The following CPNE4 variants were observed in gnomAD, a reference collection of about 807,000 sequenced individuals.
The protein encoded by CPNE4 is copine 4.
CPNE4 carries 25 observed loss-of-function variants against 67.9 expected under a neutral mutation model. The ratio of observed to expected loss-of-function variants is 0.37; its 90% CI spans 0.27 to 0.51. The LOEUF (loss-of-function observed/expected upper bound fraction) is 0.51. Among genes scored for constraint, CPNE4 ranks in the 20% least tolerant of loss-of-function variants. The pLI, the probability that CPNE4 is intolerant of heterozygous loss-of-function variation, is 0.93. For synonymous variants in CPNE4, 242 were observed against 244.9 expected, an observed-to-expected ratio of 0.99 and a Z score of 0.11; for missense variants, 464 against 690.8, an observed-to-expected ratio of 0.67 and a Z score of 3.68.
At chr3:131,789,035 C>CAGAG (rs71136414) in intron 2 of CPNE4, among the ~76,000 whole-genome samples, 50 of 137,402 alleles carry the variant, frequency 3.6e-4, no homozygotes, top group East Asian at 1.0e-3. Context: ...CACACACACA[C>CAGAG]AGAGAGAGAG....
chr3:131,708,957 GATATATATATAT>G lies in CPNE4; in HGVS notation c.361-8989_361-8978del, dbSNP rs202119937. 2.4e-3 allele frequency among the ~76,000 whole-genome samples: 161 copies of G among 65,844 alleles called. 6 individuals are homozygous for G. The highest frequency in any genetic ancestry group is 8.4e-3 in the South Asian group (13 of 1,554). The allele number at this position is 65,844 out of a possible 152,430, so 43.2% of individuals were successfully genotyped here. A position where few individuals can be genotyped will look rare whatever the true frequency, so the allele number is the denominator to read the frequency against. On this transcript the variant is annotated intron_variant, in intron 3 of 15. Coordinates refer to ENST00000429747, the MANE Select transcript of CPNE4 (RefSeq NM_130808.3). ...AAAAATCAGTGTCTGAGGGCATAAA[GATATATATATAT>G]ATATATATATATATATATATATATA...
chr3:131,879,814 G>C (rs2087602847), intron 2 of CPNE4, among the ~76,000 whole-genome samples: 1 of 152,122 alleles, frequency 6.6e-6, no homozygotes, highest in South Asian at 2.1e-4. Flanking sequence ...CCCTGTTGAG[G>C]TCAGACCTTT....
At chr3:131,875,512 T>G (rs1225577925) in intron 2 of CPNE4, among the ~76,000 whole-genome samples, 33 of 152,072 alleles carry the variant, frequency 2.2e-4, no homozygotes, top group Admixed American at 2.1e-3. Flanking sequence ...TAAAAAATGA[T>G]GAGTTCATGT....
chr3:131,982,253 G>A (rs1319414694), intron 1 of CPNE4, among the ~76,000 whole-genome samples: 1 of 152,158 alleles, frequency 6.6e-6, no homozygotes, highest in Non-Finnish European at 1.5e-5. Flanking sequence ...TAACAGATGA[G>A]CCATTTTAAA....
At chr3:131,639,350 A>C (rs1168211258) in intron 7 of CPNE4, among the ~76,000 whole-genome samples, 1 of 152,136 alleles carries the variant, frequency 6.6e-6, no homozygotes, top group Admixed American at 6.5e-5. Context: ...ATACCACAGA[A>C]ATACAAAACT....
intron 1 of CPNE4, among the ~76,000 whole-genome samples, chr3:131,978,819 T>C (rs1379372332): frequency 1.3e-5 from 2 of 151,648 alleles, no homozygotes; most frequent in East Asian, 2.0e-4. Context: ...CTTTTTGATG[T>C]AGGCCTTTAG....
intron 1 of CPNE4, among the ~76,000 whole-genome samples, chr3:131,961,089 C>A (rs897067699): frequency 6.6e-6 from 1 of 152,120 alleles, no homozygotes; most frequent in Non-Finnish European, 1.5e-5. Context: ...GGGGCAGAAC[C>A]AAGACTAAAA....
At chr3:131,555,209 A>G (rs1457719794) in intron 12 of CPNE4, among the ~76,000 whole-genome samples, 2 of 152,038 alleles carry the variant, frequency 1.3e-5, no homozygotes, top group Non-Finnish European at 2.9e-5. Context: ...CTGGAGATCA[A>G]CTTCTTGAGT....
intron 1 of CPNE4, among the ~76,000 whole-genome samples, chr3:131,966,583 A>G (rs978331036): frequency 1.3e-5 from 2 of 152,264 alleles, no homozygotes; most frequent in African/African-American, 4.8e-5. Context: ...ATCAGAGAAT[A>G]CTATAAACAA....
In CPNE4 at chr3:131,550,010, A is replaced by G. The variant is rs913378536; in HGVS notation, c.1239T>C (p.Ile413=). Residue 413 remains isoleucine, a synonymous_variant, in exon 14 of 16, where the codon ATT becomes ATC. Transcript: ENST00000429747. Reference sequence around the variant, plus strand: ...TGGCAACCTTCTGGATGATGGGGGCAATGTTGGTGGGACCGTAGAGTTGGA... The same window carrying G: ...TGGCAACCTTCTGGATGATGGGGGCGATGTTGGTGGGACCGTAGAGTTGGA... ...PKLQLYGPTN[I]APIIQKVAKS... is the part of the protein sequence containing the mutation. 6.2e-7 allele frequency: 1 copy of G among 1,613,282 alleles called. No homozygotes were observed. Among genetic ancestry groups the G allele is most frequent in the Admixed American group, 1.7e-5 (1 of 59,952 alleles).
chr3:131,964,291 T>G (rs2072274867), intron 1 of CPNE4, among the ~76,000 whole-genome samples: 2 of 151,920 alleles, frequency 1.3e-5, no homozygotes, highest in African/African-American at 4.8e-5. Flanking sequence ...TGCTGAAAAT[T>G]CCAAAAACCA....
intron 9 of CPNE4, among the ~76,000 whole-genome samples, chr3:131,576,155 A>ACT (rs10690143): frequency 0.31 from 47,236 of 151,826 alleles, 11,626 homozygotes; most frequent in African/African-American, 0.69. Context: ...CTTCTTAGAG[A>ACT]GACCCAAAAA....
intron 9 of CPNE4, among the ~76,000 whole-genome samples, chr3:131,577,622 G>C (rs1266642471): frequency 6.6e-6 from 1 of 152,112 alleles, no homozygotes; most frequent in African/African-American, 2.4e-5. Flanking sequence ...CACCTGTATA[G>C]AGAAGTTACC....
At chr3:131,964,813 T>A (rs1052531035) in intron 1 of CPNE4, among the ~76,000 whole-genome samples, 1 of 152,112 alleles carries the variant, frequency 6.6e-6, no homozygotes, top group Non-Finnish European at 1.5e-5. Flanking sequence ...GGATATTGTC[T>A]AGGAGAACAT....
intron 2 of CPNE4, among the ~76,000 whole-genome samples, chr3:131,892,564 T>G (rs964818979): frequency 9.1e-5 from 6 of 65,804 alleles, no homozygotes; most frequent in Admixed American, 5.4e-4. Flanking sequence ...TGGTGCTATA[T>G]AAATCTCTTA....
chr3:131,658,712 T>C (rs1184990981), intron 7 of CPNE4, among the ~76,000 whole-genome samples: 2 of 152,204 alleles, frequency 1.3e-5, no homozygotes, highest in African/African-American at 4.8e-5. Flanking sequence ...TATGGGATTG[T>C]TCTGCCAAGC....
chr3:131,609,796 C>G (rs1319006902), intron 7 of CPNE4, among the ~76,000 whole-genome samples: 1 of 151,972 alleles, frequency 6.6e-6, no homozygotes. Flanking sequence ...ATTATTGTTG[C>G]CATATTTGTG....
chr3:131,928,842 A>T (rs191122943), intron 1 of CPNE4, among the ~76,000 whole-genome samples: 18 of 152,326 alleles, frequency 1.2e-4, no homozygotes, highest in Non-Finnish European at 2.9e-5. Context: ...TTGTCGGGAC[A>T]TGAAAAATGG....
At chr3:131,634,093 G>A (rs2079312192) in intron 7 of CPNE4, among the ~76,000 whole-genome samples, 1 of 152,098 alleles carries the variant, frequency 6.6e-6, no homozygotes, top group African/African-American at 2.4e-5. Context: ...TAGCCATATT[G>A]ATCTCAATTA....
Sources: allele counts gnomAD v4.1 joint callset (sites outside exome capture counted in the v4.1 genomes callset), GRCh38; gene constraint gnomAD v4.1.1; transcripts MANE v1.5; gene names NCBI Gene and HGNC (gene_info 2026-07-23, HGNC 2026-07-21).